Variants in IDH3A observed in about 807,000 individuals in gnomAD.
The protein encoded by IDH3A is isocitrate dehydrogenase (NAD(+)) 3 catalytic subunit alpha, also known as isocitrate dehydrogenase [NAD] subunit alpha, mitochondrial.
In IDH3A, 23 loss-of-function variants were observed where a neutral mutation model predicts 43.3. That is an observed-to-expected ratio of 0.53 (90% CI 0.38 to 0.75). The LOEUF (loss-of-function observed/expected upper bound fraction) is 0.75. Among genes scored for constraint, IDH3A ranks in the 30% least tolerant of loss-of-function variants. The probability of loss-of-function intolerance (pLI) is 0.00; values close to 1 mark genes in which losing one functional copy is unlikely to be tolerated. For synonymous variants in IDH3A, 154 were observed against 163.5 expected (o/e 0.94, Z 0.44); for missense variants, 329 against 474.4 (o/e 0.69, Z 2.85).
At chr15:78,156,812 A>G in intron 2 of IDH3A, 2 of 997,186 alleles carry the variant, frequency 2.0e-6, no homozygotes, top group East Asian at 1.0e-4. Context: ...CTTAGAATAA[A>G]TCATTGCTGT....
At chr15:78,165,214 C>T (rs1010241158) in intron 9 of IDH3A, 138 bp downstream of exon 9, 7 of 620,686 alleles carry the variant, frequency 1.1e-5, no homozygotes, top group East Asian at 8.5e-5. Context: ...TTTCTCGAGA[C>T]GGAGTCTCGC....
intron 7 of IDH3A, 30 bp downstream of exon 7, chr15:78,163,639 T>C (rs1317395980): frequency 6.4e-7 from 1 of 1,554,380 alleles, no homozygotes; most frequent in Non-Finnish European, 8.9e-7. Context: ...TACCTGCTAC[T>C]TTTTATGGTG....
In IDH3A at chr15:78,158,475, T is replaced by A. The variant is rs1305059864; in HGVS notation, c.174+844T>A. ...TATATATATATATATTTTTTTTTTT[T>A]TTTTTTTTTTTTTTTTTTGAGACAG... On this transcript the variant is annotated intron_variant, in intron 3 of 10. Coordinates refer to ENST00000299518, the MANE Select transcript of IDH3A (RefSeq NM_005530.3). 8.6e-5 allele frequency among the ~76,000 whole-genome samples: 6 copies of A among 69,802 alleles called. 2 individuals are homozygous for A. Among genetic ancestry groups the A allele is most frequent in the African/African-American group, 2.2e-4 (4 of 17,784 alleles). The allele number at this position is 69,802 out of a possible 152,430, so 45.8% of individuals were successfully genotyped here.
intron 1 of IDH3A, among the ~76,000 whole-genome samples, chr15:78,152,926 G>GT (rs914607056): frequency 1.2e-3 from 175 of 150,798 alleles, no homozygotes; most frequent in East Asian, 5.7e-3. Flanking sequence ...TTGTTGTTTT[G>GT]TTTTTTTTTA....
chr15:78,155,340 A>G, intron 2 of IDH3A, 65 bp downstream of exon 2: 1 of 1,074,504 alleles, frequency 9.3e-7, no homozygotes, highest in East Asian at 2.4e-5. Flanking sequence ...GCTCTAACAT[A>G]TTTATTATAT....
At chr15:78,162,124 C>T in intron 5 of IDH3A, 110 bp from the exon 6 acceptor site, 1 of 1,097,114 alleles carries the variant, frequency 9.1e-7, no homozygotes, top group Non-Finnish European at 1.4e-6. Context: ...GTCATGCTAG[C>T]TGGCACTGTG....
intron 9 of IDH3A, 82 bp from the exon 10 acceptor site, chr15:78,166,068 A>T: frequency 3.1e-6 from 4 of 1,285,900 alleles, no homozygotes; most frequent in Non-Finnish European, 3.4e-6. Context: ...CTGAGGAAAG[A>T]TGGTTAAGAC....
At position 78,162,314 on chromosome 15, in the gene IDH3A, T is replaced by C. The variant is rs1047639217; in HGVS notation, c.558T>C (p.Tyr186=). 1.7e-5 allele frequency: 27 copies of C among 1,614,052 alleles called. No homozygotes were observed. The highest frequency in any genetic ancestry group is 3.3e-5 in the Admixed American group (2 of 60,004). Residue 186 remains tyrosine (Y), a synonymous_variant, in exon 6 of 11, where the codon TAT becomes TAC. Transcript: ENST00000299518. ...SKRIAEFAFE[Y]ARNNHRSNVT... is the part of the protein sequence containing the mutation. ...GCATTGCTGAGTTTGCCTTTGAGTA[T>C]GCCCGGAACAACCACCGGAGCAACG...
intron 2 of IDH3A, chr15:78,157,059 G>C: frequency 8.3e-7 from 1 of 1,198,932 alleles, no homozygotes; most frequent in Non-Finnish European, 1.1e-6. Flanking sequence ...AAATGTGTCT[G>C]AAAATGTTTT....
At chr15:78,159,964 T>C (rs1264436237) in intron 3 of IDH3A, 128 bp from the exon 4 acceptor site, 2 of 639,230 alleles carry the variant, frequency 3.1e-6, no homozygotes, top group East Asian at 5.5e-5. Context: ...CGCTGCACTC[T>C]AGCCTAGGCG....
intron 3 of IDH3A, among the ~76,000 whole-genome samples, chr15:78,159,475 TATG>T (rs1259177663): frequency 6.6e-6 from 1 of 152,240 alleles, no homozygotes; most frequent in Non-Finnish European, 1.5e-5. Context: ...ATCAGTACTA[TATG>T]ATGTTTCTGT....
rs2074634824 is a variant in IDH3A at position 78,157,577 on chromosome 15, T to C, written c.120T>C (p.Asp40=). 6.2e-7 allele frequency: 1 copy of C among 1,612,674 alleles called. No individual in the cohort carries two copies. The highest frequency in any genetic ancestry group is 8.5e-7 in the Non-Finnish European group (1 of 1,179,186). The part of the protein sequence containing the change: ...GVQTVTLIPG[D]GIGPEISAAV... ...AGACAGTAACTTTAATTCCAGGAGA[T>C]GGTATTGGCCCAGAAATTTCAGCTG... The change falls in exon 3 of 11, where the codon GAT becomes GAC. Residue 40 remains aspartate, a synonymous_variant. Transcript: ENST00000299518.
At position 78,161,092 on chromosome 15, in the gene IDH3A, G is replaced by A. The variant is rs906384739; in HGVS notation, c.290-489G>A. ...AGACAGGGTTTCCCCATGTTGGCCA[G>A]GCTGGTCTTGGACTCCTGACCTCAA... On this transcript the variant is annotated intron_variant, in intron 4 of 10. Transcript: ENST00000299518. The surrounding 1 kb of genome is among the most constrained non-coding windows in gnomAD (Gnocchi z 4.8). 2.6e-5 allele frequency among the ~76,000 whole-genome samples: 4 copies of A among 152,036 alleles called. No individual in the cohort carries two copies. The highest frequency in any genetic ancestry group is 9.7e-5 in the African/African-American group (4 of 41,392).
In IDH3A at chr15:78,171,745, A is replaced by C. The variant is rs1190298695; in HGVS notation, c.*2740A>C. 2 of 465,314 alleles carry C rather than the reference A, an allele frequency of 4.3e-6. No homozygotes were observed. The highest frequency in any genetic ancestry group is 7.8e-6 in the Non-Finnish European group (2 of 257,104). The allele number at this position is 465,314 out of a possible 1,614,324, so 28.8% of individuals were successfully genotyped here. On this transcript the variant is annotated 3_prime_UTR_variant, in exon 11 of 11. Coordinates refer to ENST00000299518, the MANE Select transcript of IDH3A (RefSeq NM_005530.3). ...TTATACCACTGGTTGTGGCCAGTGG[A>C]GTATAGATGAAGGGTTGGTATGTCA...
chr15:78,155,226 T>G lies in IDH3A; in HGVS notation c.41T>G (p.Leu14Arg), dbSNP rs1182466351. 1 of 1,612,248 alleles carries G rather than the reference T, an allele frequency of 6.2e-7. No individual in the cohort carries two copies. The highest frequency in any genetic ancestry group is 1.7e-5 in the Admixed American group (1 of 59,996). ...PAWISKVSRLLGAFHNPKQVT... is the reference protein window; with the variant it reads ...PAWISKVSRLRGAFHNPKQVT... Reference sequence around the variant, plus strand: ...ATATTAATATAGGTCTCTCGGCTGCTGGGGGCATTCCACAACCCAAAACAG... The same window carrying G: ...ATATTAATATAGGTCTCTCGGCTGCGGGGGGCATTCCACAACCCAAAACAG... Residue 14 changes from leucine to arginine, a missense_variant, in exon 2 of 11, where the codon CTG becomes CGG. By Grantham distance (102) the Leu-to-Arg change is moderately radical. Around this residue, in one of 3 missense-constraint regions of IDH3A, gnomAD observed 26 missense variants for 17.2 expected, o/e 1.51. Coordinates refer to ENST00000299518, the MANE Select transcript of IDH3A (RefSeq NM_005530.3).
At chr15:78,153,990 A>C (rs1166113252) in intron 1 of IDH3A, among the ~76,000 whole-genome samples, 1 of 152,182 alleles carries the variant, frequency 6.6e-6, no homozygotes, top group Non-Finnish European at 1.5e-5. Context: ...AGCCTGGGCA[A>C]CAAGAGTGAA....
At chr15:78,166,082 A>G in intron 9 of IDH3A, 68 bp from the exon 10 acceptor site, 1 of 1,459,206 alleles carries the variant, frequency 6.9e-7, no homozygotes, top group South Asian at 1.1e-5. Context: ...TTAAGACTCC[A>G]GCTTCCCCAG....
At position 78,149,415 on chromosome 15, in the gene IDH3A, C is replaced by T; in HGVS notation, c.12C>T (p.Pro4=). The change falls in exon 1 of 11, where the codon CCC becomes CCT. Residue 4 remains proline, a synonymous_variant. Coordinates refer to ENST00000299518, the MANE Select transcript of IDH3A (RefSeq NM_005530.3). MAG[P]AWISKVSRLL... ...CAGGAGGGGAAGCGATGGCTGGGCC[C>T]GCGTGGATCTCTAAGGTGAGCGCTG... 3 of 1,552,816 alleles carry T rather than the reference C, an allele frequency of 1.9e-6. No individual in the cohort carries two copies. The highest frequency in any genetic ancestry group is 1.4e-5 in the African/African-American group (1 of 70,990).
rs537112006 is a variant in IDH3A at position 78,161,985 on chromosome 15, G to C, written c.477+217G>C. ...TGAATTTTGAATCCCCCACTTCACA[G>C]GTGCGCTCTTCCGCAGATGACTGTC... On this transcript the variant is annotated intron_variant, in intron 5 of 10. Coordinates refer to ENST00000299518, the MANE Select transcript of IDH3A (RefSeq NM_005530.3). This position sits in a 1 kb window ranked among gnomAD's most constrained non-coding sequence, Gnocchi z 4.8. Among the ~76,000 whole-genome samples, 38 of 152,110 alleles carry C rather than the reference G, an allele frequency of 2.5e-4. No homozygotes were observed. The South Asian group carries it at 7.7e-3, about 31-fold the overall frequency.
Sources: gnomAD v4.1 joint callset for allele counts (sites outside exome capture counted in the v4.1 genomes callset) on GRCh38, gnomAD v4.1.1 for gene constraint, gnomAD v4.1.1 regional missense constraint, Gnocchi (gnomAD v3.1) non-coding constraint, MANE v1.5 for transcripts, NCBI Gene and HGNC (gene_info 2026-07-23, HGNC 2026-07-21) for gene names.